SOX11: variants seen among roughly 807,000 people sequenced by gnomAD.
The protein encoded by SOX11 is SRY-box transcription factor 11, also known as transcription factor SOX-11.
Under a neutral mutation model 16.7 loss-of-function variants are expected in SOX11, and 5 were observed. The observed-to-expected ratio is 0.30, with a 90% CI of 0.16 to 0.63. The LOEUF (loss-of-function observed/expected upper bound fraction) is 0.63. Among genes scored for constraint, SOX11 ranks in the 20% least tolerant of loss-of-function variants. SOX11 has a pLI of 0.82. For missense variants in SOX11, 492 were observed against 641.5 expected (o/e 0.77, Z 2.52); for synonymous variants, 363 against 298.8 (o/e 1.21, Z -2.22).
rs1225153900 is a variant in SOX11, at chr2:5,692,671, C to G, written c.-51C>G. 1.4e-6 allele frequency: 2 copies of G among 1,475,566 alleles called. No individual in the cohort carries two copies. The allele number at this position is 1,475,566 out of a possible 1,614,324, so 91.4% of individuals were successfully genotyped here. On this transcript the variant is annotated 5_prime_UTR_variant, in exon 1 of 1. Coordinates refer to ENST00000322002, the MANE Select transcript of SOX11 (RefSeq NM_003108.4). ...AGGGGTGGGAGGGGGAGGGGGACCT[C>G]CGCACGAGACCCAGCGGCCCGGGTT...
rs775688399 is a variant in SOX11 at position 5,692,674 on chromosome 2, C to T, written c.-48C>T. 6.1e-6 allele frequency: 9 copies of T among 1,485,712 alleles called. No individual in the cohort carries two copies. The highest frequency in any genetic ancestry group is 8.1e-6 in the Non-Finnish European group (9 of 1,109,274). The allele number at this position is 1,485,712 out of a possible 1,614,324, so 92.0% of individuals were successfully genotyped here. ...GGTGGGAGGGGGAGGGGGACCTCCGCACGAGACCCAGCGGCCCGGGTTGGA... is the reference window on the plus strand; with the variant it reads ...GGTGGGAGGGGGAGGGGGACCTCCGTACGAGACCCAGCGGCCCGGGTTGGA... On this transcript the variant is annotated 5_prime_UTR_variant, in exon 1 of 1. Coordinates refer to ENST00000322002, the MANE Select transcript of SOX11 (RefSeq NM_003108.4).
chr2:5,701,325 T>A lies in SOX11; in HGVS notation c.*7278T>A, dbSNP rs1665837584. ...CACTCCAATGTCTCTTTTGCAAGAG[T>A]TTTTCACAGAGGATTACATTTGTTC... On this transcript the variant is annotated 3_prime_UTR_variant, in exon 1 of 1. Coordinates refer to ENST00000322002, the MANE Select transcript of SOX11 (RefSeq NM_003108.4). 1 of 166,370 alleles carries A rather than the reference T, an allele frequency of 6.0e-6. No individual in the cohort carries two copies. Among genetic ancestry groups the A allele is most frequent in the Non-Finnish European group, 1.5e-5 (1 of 68,010 alleles). The allele number at this position is 166,370 out of a possible 1,614,324, so 10.3% of individuals were successfully genotyped here. A position where few individuals can be genotyped will look rare whatever the true frequency, so the allele number is the denominator to read the frequency against.
At position 5,697,336 on chromosome 2, in the gene SOX11, C is replaced by G. The variant is rs1665754475; in HGVS notation, c.*3289C>G. 6.0e-6 allele frequency: 1 copy of G among 167,082 alleles called. No individual in the cohort carries two copies. The highest frequency in any genetic ancestry group is 2.4e-5 in the African/African-American group (1 of 41,452). The allele number at this position is 167,082 out of a possible 1,614,324, so 10.3% of individuals were successfully genotyped here. On this transcript the variant is annotated 3_prime_UTR_variant, in exon 1 of 1. Coordinates refer to ENST00000322002, the MANE Select transcript of SOX11 (RefSeq NM_003108.4). ...CCATTTTTACTGAGATTTGGCGAGA[C>G]CGAATGGAAGCGTCCGCACAGTAAC...
In SOX11 at chr2:5,698,517, C is replaced by T. The variant is rs765402858; in HGVS notation, c.*4470C>T. ...TTCTTTAAACTGTGGAAGTAATTTC[C>T]AGTTCTTACACTCTGATACGCATCC... On this transcript the variant is annotated 3_prime_UTR_variant, in exon 1 of 1. Coordinates refer to ENST00000322002, the MANE Select transcript of SOX11 (RefSeq NM_003108.4). 5 of 165,998 alleles carry T rather than the reference C, an allele frequency of 3.0e-5. No homozygotes were observed. The highest frequency in any genetic ancestry group is 7.4e-5 in the Non-Finnish European group (5 of 68,010). The allele number at this position is 165,998 out of a possible 1,614,324, so 10.3% of individuals were successfully genotyped here. A position where few individuals can be genotyped will look rare whatever the true frequency, so the allele number is the denominator to read the frequency against.
In SOX11 at chr2:5,696,916, T is replaced by G. The variant is rs1048742197; in HGVS notation, c.*2869T>G. 1 of 161,210 alleles carries G rather than the reference T, an allele frequency of 6.2e-6. No homozygotes were observed. The highest frequency in any genetic ancestry group is 2.4e-5 in the African/African-American group (1 of 41,348). 10.0% of individuals were successfully genotyped at this position (161,210 alleles called of 1,614,324 possible). A position where few individuals can be genotyped will look rare whatever the true frequency, so the allele number is the denominator to read the frequency against. The stretch of plus-strand genomic sequence containing the variant: ...TCTTGATTGTTCTCCGGGAGCCTCC[T>G]GGGGGCTCCGGCGGCGGCGCGGGCG... On this transcript the variant is annotated 3_prime_UTR_variant, in exon 1 of 1. Coordinates refer to ENST00000322002, the MANE Select transcript of SOX11 (RefSeq NM_003108.4).
In SOX11 at chr2:5,694,252, A is replaced by C; in HGVS notation, c.*205A>C. The C allele has an allele frequency of 1.5e-6, 1 of 664,276 alleles. No individual in the cohort carries two copies. Among genetic ancestry groups the C allele is most frequent in the Non-Finnish European group, 2.4e-6 (1 of 420,738 alleles). The allele number at this position is 664,276 out of a possible 1,614,324, so 41.1% of individuals were successfully genotyped here. On this transcript the variant is annotated 3_prime_UTR_variant, in exon 1 of 1. Coordinates refer to ENST00000322002, the MANE Select transcript of SOX11 (RefSeq NM_003108.4). ...AAAGAAATTGGAAAACATGATGAAA[A>C]TTTTGGTGGAGTTAAAGTGAAATGA...
rs1665765644 is a variant in SOX11, at chr2:5,697,610, C to T, written c.*3563C>T. ...CTGTGGCTTTTTCCTTTCGATAAAC[C>T]ATCAGATTTCAGTAGTACATTTGGG... On this transcript the variant is annotated 3_prime_UTR_variant, in exon 1 of 1. Coordinates refer to ENST00000322002, the MANE Select transcript of SOX11 (RefSeq NM_003108.4). The T allele has an allele frequency of 6.0e-6, 1 of 167,092 alleles. No homozygotes were observed. Among genetic ancestry groups the T allele is most frequent in the South Asian group, 2.1e-4 (1 of 4,830 alleles). 10.4% of individuals were successfully genotyped at this position (167,092 alleles called of 1,614,324 possible).
chr2:5,694,936 C>T lies in SOX11; in HGVS notation c.*889C>T, dbSNP rs961175159. On this transcript the variant is annotated 3_prime_UTR_variant, in exon 1 of 1. Coordinates refer to ENST00000322002, the MANE Select transcript of SOX11 (RefSeq NM_003108.4). The stretch of plus-strand genomic sequence containing the variant: ...TTGATTGAATACCAGACAGCCTAGA[C>T]CTCAGTACAAAAGGTATTGAAACAT... 6.0e-6 allele frequency: 1 copy of T among 166,502 alleles called. No individual in the cohort carries two copies. Among genetic ancestry groups the T allele is most frequent in the Non-Finnish European group, 1.5e-5 (1 of 68,030 alleles). The allele number at this position is 166,502 out of a possible 1,614,324, so 10.3% of individuals were successfully genotyped here.
rs1278488012 is a variant in SOX11, at chr2:5,692,503, G to A, written c.-219G>A. On this transcript the variant is annotated 5_prime_UTR_variant, in exon 1 of 1. Transcript: ENST00000322002. ...CCGTCGCCACCGCCTCTCCTGTCGC[G>A]ACCGCAGCTCCCACCGCGCCGGCGG... Among the ~76,000 whole-genome samples the A allele has an allele frequency of 7.2e-6, 1 of 139,730 alleles. No homozygotes were observed. 91.7% of individuals were successfully genotyped at this position (139,730 alleles called of 152,430 possible).
At position 5,696,916 on chromosome 2, in the gene SOX11, TG is replaced by T. The variant is rs1276401784; in HGVS notation, c.*2874del. The T allele has an allele frequency of 1.2e-5, 2 of 161,320 alleles. No homozygotes were observed. 10.0% of individuals were successfully genotyped at this position (161,320 alleles called of 1,614,324 possible). Reference sequence around the variant, plus strand: ...TCTTGATTGTTCTCCGGGAGCCTCCTGGGGGCTCCGGCGGCGGCGCGGGCGC... The same window carrying T: ...TCTTGATTGTTCTCCGGGAGCCTCCTGGGGCTCCGGCGGCGGCGCGGGCGC... On this transcript the variant is annotated 3_prime_UTR_variant, in exon 1 of 1. Coordinates refer to ENST00000322002, the MANE Select transcript of SOX11 (RefSeq NM_003108.4).
rs1483150101 is a variant in SOX11 at position 5,696,641 on chromosome 2, C to G, written c.*2594C>G. On this transcript the variant is annotated 3_prime_UTR_variant, in exon 1 of 1. Transcript: ENST00000322002. ...TGCCTGGCTCTTCTTGCCTCGCCAC[C>G]GCGTGCTCCTGGGCGCGCCCCGCCG... is the stretch of plus-strand genomic sequence containing the variant. 6.6e-6 allele frequency: 1 copy of G among 152,072 alleles called. No homozygotes were observed. Among genetic ancestry groups the G allele is most frequent in the Admixed American group, 6.6e-5 (1 of 15,264 alleles). The allele number at this position is 152,072 out of a possible 1,614,324, so 9.4% of individuals were successfully genotyped here.
At position 5,695,681 on chromosome 2, in the gene SOX11, C is replaced by A. The variant is rs569360239; in HGVS notation, c.*1634C>A. 6.0e-6 allele frequency: 1 copy of A among 166,328 alleles called. No homozygotes were observed. Among genetic ancestry groups the A allele is most frequent in the Non-Finnish European group, 1.5e-5 (1 of 68,074 alleles). 10.3% of individuals were successfully genotyped at this position (166,328 alleles called of 1,614,324 possible). ...TCTCTATGGAAGTCAAACTGGAGGT[C>A]CTGTTGTCGCAGAGCATTCGGTGGT... On this transcript the variant is annotated 3_prime_UTR_variant, in exon 1 of 1. Coordinates refer to ENST00000322002, the MANE Select transcript of SOX11 (RefSeq NM_003108.4).
Position 5,694,171 on chromosome 2 carries a change from G to C in SOX11, c.*124G>C. ...GATGGTGGTGTTGATGGTGGCGGTG[G>C]TAGGGTGGAGGGGAGAGAAGAAGAT... is the stretch of plus-strand genomic sequence containing the variant. On this transcript the variant is annotated 3_prime_UTR_variant, in exon 1 of 1. Coordinates refer to ENST00000322002, the MANE Select transcript of SOX11 (RefSeq NM_003108.4). 7.9e-7 allele frequency: 1 copy of C among 1,265,240 alleles called. No homozygotes were observed. The allele number at this position is 1,265,240 out of a possible 1,614,324, so 78.4% of individuals were successfully genotyped here.
Position 5,694,219 on chromosome 2 carries a change from C to T in SOX11, c.*172C>T, listed in dbSNP as rs1665690327. On this transcript the variant is annotated 3_prime_UTR_variant, in exon 1 of 1. Coordinates refer to ENST00000322002, the MANE Select transcript of SOX11 (RefSeq NM_003108.4). ...GATGCTGATGATATTGATAAGATGT[C>T]GTGACGCAAAGAAATTGGAAAACAT... The T allele has an allele frequency of 4.8e-6, 4 of 826,582 alleles. No individual in the cohort carries two copies. Among genetic ancestry groups the T allele is most frequent in the South Asian group, 5.8e-5 (2 of 34,332 alleles). 51.2% of individuals were successfully genotyped at this position (826,582 alleles called of 1,614,324 possible). A position where few individuals can be genotyped will look rare whatever the true frequency, so the allele number is the denominator to read the frequency against.
In SOX11 at chr2:5,696,680, C is replaced by G. The variant is rs1220367553; in HGVS notation, c.*2633C>G. On this transcript the variant is annotated 3_prime_UTR_variant, in exon 1 of 1. Coordinates refer to ENST00000322002, the MANE Select transcript of SOX11 (RefSeq NM_003108.4). The stretch of plus-strand genomic sequence containing the variant: ...CGCGCCCCGCCGCGGGCCCTTGAGG[C>G]GCGCGGAGACACCAGCGCTGGCTTC... 6.6e-6 allele frequency: 1 copy of G among 151,780 alleles called. No individual in the cohort carries two copies. Among genetic ancestry groups the G allele is most frequent in the Non-Finnish European group, 1.5e-5 (1 of 67,912 alleles). 9.4% of individuals were successfully genotyped at this position (151,780 alleles called of 1,614,324 possible). A position where few individuals can be genotyped will look rare whatever the true frequency, so the allele number is the denominator to read the frequency against.
rs1483782583 is a variant in SOX11, at chr2:5,693,756, C to A, written c.1035C>A (p.Ser345Arg). 4.4e-6 allele frequency: 7 copies of A among 1,580,188 alleles called. No homozygotes were observed. Among genetic ancestry groups the A allele is most frequent in the Non-Finnish European group, 6.0e-6 (7 of 1,165,462 alleles). ...SSRSVSTSSS[S>R]SSGSSSGSSG... ...GCTCGGTGTCCACCTCCTCGTCCAG[C>A]AGCAGCGGCAGCAGCAGCGGCAGCA... Residue 345 changes from serine to arginine, a missense_variant, in exon 1 of 1, where the codon AGC (serine) becomes AGA (arginine). Ser to Arg is a moderately radical substitution (Grantham distance 110). This residue lies in a region of SOX11 where 389 missense variants were observed against 389.0 expected (regional missense o/e 1.00). Coordinates refer to ENST00000322002, the MANE Select transcript of SOX11 (RefSeq NM_003108.4). The surrounding 1 kb of genome is among the most constrained non-coding windows in gnomAD (Gnocchi z 8.6).
chr2:5,694,115 T>C lies in SOX11; in HGVS notation c.*68T>C, dbSNP rs1665687732. ...TGGGTTCCTTGGGAGGAAGTTGTAG[T>C]GGTGATGATGATGATGATAATGATG... On this transcript the variant is annotated 3_prime_UTR_variant, in exon 1 of 1. Transcript: ENST00000322002. 1.4e-6 allele frequency: 2 copies of C among 1,459,334 alleles called. No individual in the cohort carries two copies. Among genetic ancestry groups the C allele is most frequent in the Admixed American group, 5.1e-5 (2 of 39,026 alleles). The allele number at this position is 1,459,334 out of a possible 1,614,324, so 90.4% of individuals were successfully genotyped here.
chr2:5,696,100 G>A lies in SOX11; in HGVS notation c.*2053G>A, dbSNP rs1220840100. 1.2e-5 allele frequency: 2 copies of A among 166,698 alleles called. No homozygotes were observed. 10.3% of individuals were successfully genotyped at this position (166,698 alleles called of 1,614,324 possible). On this transcript the variant is annotated 3_prime_UTR_variant, in exon 1 of 1. Coordinates refer to ENST00000322002, the MANE Select transcript of SOX11 (RefSeq NM_003108.4). ...CGCGGTGACAGCCGCCTTTGGCAGC[G>A]AGCGCTCGGGGCACTTCTATCCCCG...
chr2:5,693,369 G>A lies in SOX11; in HGVS notation c.648G>A (p.Thr216=). 2 of 1,592,276 alleles carry A rather than the reference G, an allele frequency of 1.3e-6. No homozygotes were observed. The highest frequency in any genetic ancestry group is 1.7e-6 in the Non-Finnish European group (2 of 1,177,750). The change falls in exon 1 of 1, where the codon ACG becomes ACA. Residue 216 remains threonine, a synonymous_variant. Transcript: ENST00000322002. This position sits in a 1 kb window ranked among gnomAD's most constrained non-coding sequence, Gnocchi z 8.6. ...SGSGGGGAGK[T]VKCVFLDEDD... The stretch of plus-strand genomic sequence containing the variant: ...CGGGCGGCGGCGGCGCGGGCAAGAC[G>A]GTCAAGTGCGTGTTTCTGGATGAGG...
Sources: allele counts gnomAD v4.1 joint callset (sites outside exome capture counted in the v4.1 genomes callset), GRCh38; gene constraint gnomAD v4.1.1; regional missense constraint gnomAD v4.1.1; non-coding constraint Gnocchi (gnomAD v3.1); transcripts MANE v1.5; gene names NCBI Gene and HGNC (gene_info 2026-07-23, HGNC 2026-07-21).